Variants in PLEK2 observed in about 807,000 individuals in gnomAD.
PLEK2 encodes the protein pleckstrin 2.
Under a neutral mutation model 43.8 loss-of-function variants are expected in PLEK2, and 29 were observed. That is an observed-to-expected ratio of 0.66 (90% confidence interval 0.49 to 0.90). The LOEUF (loss-of-function observed/expected upper bound fraction) is 0.90. Among genes scored for constraint, PLEK2 ranks in the 40% least tolerant of loss-of-function variants. The pLI, the probability that PLEK2 is intolerant of heterozygous loss-of-function variation, is 0.00. For missense variants in PLEK2, 398 were observed against 448.1 expected, an observed-to-expected ratio of 0.89 and a Z score of 1.01; for synonymous variants, 162 against 173.2, an observed-to-expected ratio of 0.94 and a Z score of 0.51.
chr14:67,401,861 C>T (rs1339157520), intron 1 of PLEK2, among the ~76,000 whole-genome samples: 5 of 152,064 alleles, frequency 3.3e-5, no homozygotes, highest in Admixed American at 2.0e-4. Flanking sequence ...CGGTGGCTCA[C>T]GCCTGTAATT....
At position 67,398,983 on chromosome 14, in the gene PLEK2, T is replaced by C. The variant is rs187424354; in HGVS notation, c.43-1157A>G. Among the ~76,000 whole-genome samples the C allele has an allele frequency of 4.6e-5, 7 of 152,324 alleles. No homozygotes were observed. In the East Asian group the frequency reaches 1.3e-3, roughly 29 times the overall value. On this transcript the variant is annotated intron_variant, in intron 1 of 8. Transcript: ENST00000216446. ...CAACTTCTATTGTTTGTAACTGAGG[T>C]TGTTCCATTTTTTCCACTGTTCTGT...
Position 67,387,123 on chromosome 14 carries a change from C to G in PLEK2, c.*206G>C, listed in dbSNP as rs1488616808. 1 of 453,108 alleles carries G rather than the reference C, an allele frequency of 2.2e-6. No homozygotes were observed. The highest frequency in any genetic ancestry group is 3.8e-6 in the Non-Finnish European group (1 of 260,406). 28.1% of individuals were successfully genotyped at this position (453,108 alleles called of 1,614,324 possible). On this transcript the variant is annotated 3_prime_UTR_variant, in exon 9 of 9. Transcript: ENST00000216446. Reference sequence around the variant, plus strand: ...AAGATGCTGACGCCTAATGGCTGTTCTAGCCTTTCCAGGTTTGTAACATGA... The same window carrying G: ...AAGATGCTGACGCCTAATGGCTGTTGTAGCCTTTCCAGGTTTGTAACATGA...
chr14:67,401,622 G>T (rs1254180188), intron 1 of PLEK2, among the ~76,000 whole-genome samples: 2 of 152,142 alleles, frequency 1.3e-5, no homozygotes, highest in Non-Finnish European at 2.9e-5. Flanking sequence ...GCAAGCCAAG[G>T]AGAGAGAGGT....
intron 1 of PLEK2, among the ~76,000 whole-genome samples, chr14:67,406,912 G>A (rs1347889559): frequency 6.6e-6 from 1 of 152,158 alleles, no homozygotes; most frequent in Non-Finnish European, 1.5e-5. Flanking sequence ...CCTGGGCAGA[G>A]AGTAGCTTCT....
chr14:67,393,281 A>G, intron 3 of PLEK2, 40 bp from the exon 4 acceptor site: 1 of 1,428,104 alleles, frequency 7.0e-7, no homozygotes, highest in Non-Finnish European at 9.9e-7. Flanking sequence ...AACCCTCATC[A>G]CGCGGGCAGG....
intron 1 of PLEK2, among the ~76,000 whole-genome samples, chr14:67,409,946 C>G (rs1385332218): frequency 6.6e-6 from 1 of 152,140 alleles, no homozygotes; most frequent in Non-Finnish European, 1.5e-5. Flanking sequence ...GGGGCCCTAT[C>G]CTTCAGCCTG....
chr14:67,387,290 C>T lies in PLEK2; in HGVS notation c.*39G>A, dbSNP rs369826967. On this transcript the variant is annotated 3_prime_UTR_variant, in exon 9 of 9. Coordinates refer to ENST00000216446, the MANE Select transcript of PLEK2 (RefSeq NM_016445.3). ...CTCCAGGAACTCTTGTCTGTGTCAT[C>T]TGGTAGGAGGGAGGAATCCTGGTTC... 145 of 1,582,770 alleles carry T rather than the reference C, an allele frequency of 9.2e-5. 1 individual carries two copies. The South Asian group carries it at 1.1e-3, about 12-fold the overall frequency.
chr14:67,395,464 C>A lies in PLEK2; in HGVS notation c.327G>T (p.Gly109=). 6.2e-7 allele frequency: 1 copy of A among 1,614,034 alleles called. No individual in the cohort carries two copies. The highest frequency in any genetic ancestry group is 8.5e-7 in the Non-Finnish European group (1 of 1,179,920). ...TCAGGCTGTGCAGCTGCTGGACCTT[C>A]CCCGGCTGCCCTGCATGAATAGCCC... ...ITGAIHAGQP[G]KVQQLHSLRN... Residue 109 remains glycine, a synonymous_variant, in exon 3 of 9, where the codon GGG becomes GGT. Coordinates refer to ENST00000216446, the MANE Select transcript of PLEK2 (RefSeq NM_016445.3).
Position 67,396,476 on chromosome 14 carries a change from C to G in PLEK2, c.208-893G>C, listed in dbSNP as rs1388757781. ...AAGAGAGTTTTCATCAGACCATGCT[C>G]TCACTCAAAATCTTCAATGGCTCTC... On this transcript the variant is annotated intron_variant, in intron 2 of 8. Transcript: ENST00000216446. Among the ~76,000 whole-genome samples, 4 of 151,812 alleles carry G rather than the reference C, an allele frequency of 2.6e-5. No individual in the cohort carries two copies. The East Asian group carries it at 7.8e-4, about 30-fold the overall frequency.
intron 1 of PLEK2, among the ~76,000 whole-genome samples, chr14:67,411,771 C>T (rs984662047): frequency 6.6e-6 from 1 of 152,234 alleles, no homozygotes; most frequent in African/African-American, 2.4e-5. Flanking sequence ...ACCCCTGCCC[C>T]GACTCCATAC....
chr14:67,397,779 C>T lies in PLEK2; in HGVS notation c.90G>A (p.Gln30=), dbSNP rs760641596. ...CAAGCTTGTAGTACACCAGCGTGTT[C>T]TGCCGAAGGATGAACCATCGCGCCT... ...NWKARWFILR[Q]NTLVYYKLEG... Residue 30 remains glutamine, a synonymous_variant, in exon 2 of 9, where the codon CAG becomes CAA. Transcript: ENST00000216446. 3.1e-6 allele frequency: 5 copies of T among 1,613,390 alleles called. No homozygotes were observed. Among genetic ancestry groups the T allele is most frequent in the Non-Finnish European group, 4.2e-6 (5 of 1,179,638 alleles).
chr14:67,396,370 ACTC>A (rs1170881613), intron 2 of PLEK2, among the ~76,000 whole-genome samples: 1 of 150,028 alleles, frequency 6.7e-6, no homozygotes, highest in African/African-American at 2.5e-5. Context: ...CTGGTCTTGA[ACTC>A]CTGACCTCAG....
intron 2 of PLEK2, among the ~76,000 whole-genome samples, chr14:67,395,978 G>A (rs185865001): frequency 5.9e-5 from 9 of 152,166 alleles, no homozygotes; most frequent in East Asian, 1.9e-4. Flanking sequence ...GTGGACTCCC[G>A]GGCACATTAG....
intron 1 of PLEK2, among the ~76,000 whole-genome samples, chr14:67,402,895 T>G (rs1755994573): frequency 6.6e-6 from 1 of 152,216 alleles, no homozygotes; most frequent in South Asian, 2.1e-4. Flanking sequence ...TGTGCAGATA[T>G]CTCTTCAATA....
At position 67,392,391 on chromosome 14, in the gene PLEK2, C is replaced by A. The variant is rs1249885695; in HGVS notation, c.706G>T (p.Glu236Ter). 6.2e-7 allele frequency: 1 copy of A among 1,614,022 alleles called. No homozygotes were observed. Among genetic ancestry groups the A allele is most frequent in the Admixed American group, 1.7e-5 (1 of 60,026 alleles). ...SYKKKISPKE[E>*]ISLSTVELSG... Reference sequence around the variant, plus strand: ...AACTCCACAGTGCTCAGGCTAATTTCTTCCTTGGGGCTTATCTTCTTTTTG... The same window carrying A: ...AACTCCACAGTGCTCAGGCTAATTTATTCCTTGGGGCTTATCTTCTTTTTG... Residue 236 changes from glutamate to a stop codon, truncating the protein, a stop_gained, in exon 6 of 9, where the codon GAA becomes TAA. Coordinates refer to ENST00000216446, the MANE Select transcript of PLEK2 (RefSeq NM_016445.3). LOFTEE classifies it high-confidence loss of function.
At position 67,408,349 on chromosome 14, in the gene PLEK2, TAAA is replaced by T. The variant is rs2086094466; in HGVS notation, c.42+3666_42+3668del. 1.4e-4 allele frequency among the ~76,000 whole-genome samples: 18 copies of T among 125,678 alleles called. No individual in the cohort carries two copies. The East Asian group carries it at 4.1e-3, about 29-fold the overall frequency. The allele number at this position is 125,678 out of a possible 152,430, so 82.4% of individuals were successfully genotyped here. The stretch of plus-strand genomic sequence containing the variant: ...TAAAATAAAATAAAATAAAATAAAA[TAAA>T]ATAAAAAAAGAAAAAACAAAGATGG... On this transcript the variant is annotated intron_variant, in intron 1 of 8. Transcript: ENST00000216446.
intron 1 of PLEK2, among the ~76,000 whole-genome samples, chr14:67,406,258 C>CA (rs56885080): frequency 0.062 from 6,622 of 107,080 alleles, 300 homozygotes; most frequent in African/African-American, 0.12. Flanking sequence ...GATTCCATCT[C>CA]AAAAAAAAAA....
chr14:67,398,632 C>T (rs183083003), intron 1 of PLEK2, among the ~76,000 whole-genome samples: 9 of 151,896 alleles, frequency 5.9e-5, no homozygotes, highest in Admixed American at 1.3e-4. Context: ...ACCACCTAAA[C>T]GACCCTTCTC....
At chr14:67,403,103 T>A (rs1306772531) in intron 1 of PLEK2, among the ~76,000 whole-genome samples, 1 of 152,254 alleles carries the variant, frequency 6.6e-6, no homozygotes, top group Non-Finnish European at 1.5e-5. Flanking sequence ...GTCTTTTGGA[T>A]AAAAGCTATT....
Sources: gnomAD v4.1 joint callset for allele counts (sites outside exome capture counted in the v4.1 genomes callset) on GRCh38, gnomAD v4.1.1 for gene constraint, MANE v1.5 for transcripts, NCBI Gene and HGNC (gene_info 2026-07-23, HGNC 2026-07-21) for gene names.